PEX6: variants seen among roughly 807,000 people sequenced by gnomAD.
PEX6 encodes the protein peroxisome biogenesis factor 6.
PEX6 carries 55 observed loss-of-function variants against 85.6 expected under a neutral mutation model. The observed-to-expected ratio is 0.64, with a 90% confidence interval of 0.52 to 0.80. The LOEUF (loss-of-function observed/expected upper bound fraction) is 0.80, where lower values mean the gene tolerates loss of function less well. Ranked by LOEUF, PEX6 falls within the 30% of genes least tolerant of loss-of-function variation. The pLI is 0.00. For missense variants in PEX6, 1,099 were observed against 1,260.3 expected (o/e 0.87, Z 1.94); for synonymous variants, 519 against 549.1 (o/e 0.95, Z 0.77).
rs549278408 is a variant in PEX6 at position 42,971,390 on chromosome 6, A to C, written c.1131-1403T>G. On this transcript the variant is annotated intron_variant, in intron 3 of 16. Transcript: ENST00000304611. This position sits in a 1 kb window ranked among gnomAD's most constrained non-coding sequence, Gnocchi z 4.4. The stretch of plus-strand genomic sequence containing the variant: ...CAGCACTGTGGCATAGGGAGAGACC[A>C]CCTTCTTCAGTGGAGGGTGGTTGGA... Among the ~76,000 whole-genome samples the C allele has an allele frequency of 6.6e-6, 1 of 152,306 alleles. No individual in the cohort carries two copies. The highest frequency in any genetic ancestry group is 2.1e-4 in the South Asian group (1 of 4,830).
rs1409670454 is a variant in PEX6 at position 42,964,851 on chromosome 6, G to A, written c.2745C>T (p.Tyr915=). 2.5e-6 allele frequency: 4 copies of A among 1,614,144 alleles called. No individual in the cohort carries two copies. The highest frequency in any genetic ancestry group is 3.4e-6 in the Non-Finnish European group (4 of 1,180,012). The change falls in exon 16 of 17, where the codon TAC becomes TAT. Residue 915 remains tyrosine (Y), a synonymous_variant. Transcript: ENST00000304611. This position sits in a 1 kb window ranked among gnomAD's most constrained non-coding sequence, Gnocchi z 4.6. ...CTGTCATAGCATCAGAGCAGAGAGA[G>A]TAGAGGTCCGCGCCCGTCAGCTGGG... ...CPPQLTGADL[Y]SLCSDAMTAA... is the part of the protein sequence containing the mutation.
rs749575355 is a variant in PEX6, at chr6:42,967,436, G to T, written c.1816C>A (p.Arg606=). ...LSEGQRLSIL[R]ALTAHLPLGQ... is the part of the protein sequence containing the mutation. ...AGGGGAAGGTGGGCAGTGAGGGCCCGCAGGATGCTGAGCCGCTGCCCCTCT... is the reference window on the plus strand; with the variant it reads ...AGGGGAAGGTGGGCAGTGAGGGCCCTCAGGATGCTGAGCCGCTGCCCCTCT... The change falls in exon 8 of 17, where the codon CGG becomes AGG. Residue 606 remains arginine (R), a synonymous_variant. Transcript: ENST00000304611. 1.2e-6 allele frequency: 2 copies of T among 1,612,974 alleles called. No homozygotes were observed. Among genetic ancestry groups the T allele is most frequent in the East Asian group, 4.5e-5 (2 of 44,862 alleles).
At chr6:42,968,798 A>G in intron 6 of PEX6, 76 bp downstream of exon 6, 1 of 1,080,160 alleles carries the variant, frequency 9.3e-7, no homozygotes, top group Non-Finnish European at 1.4e-6. Flanking sequence ...GAGGGAGGGG[A>G]GAGGAAGCAG....
At chr6:42,977,138 G>A (rs1172475663) in intron 1 of PEX6, among the ~76,000 whole-genome samples, 1 of 151,630 alleles carries the variant, frequency 6.6e-6, no homozygotes, top group Non-Finnish European at 1.5e-5. Flanking sequence ...ATAAGAATGA[G>A]CAAAAGCACA....
At chr6:42,966,714 C>T (rs1769822880) in intron 9 of PEX6, 57 bp from the exon 10 acceptor site, 1 of 1,613,978 alleles carries the variant, frequency 6.2e-7, no homozygotes, top group African/African-American at 1.3e-5. Context: ...TCCCTTCTCC[C>T]TTCCTCACCA....
intron 1 of PEX6, 71 bp from the exon 2 acceptor site, chr6:42,975,109 C>G (rs1770234620): frequency 8.0e-7 from 1 of 1,245,554 alleles, no homozygotes; most frequent in South Asian, 1.2e-5. Context: ...CTCTCAGCAG[C>G]CAACATGTCT....
chr6:42,976,903 T>G (rs897336319), intron 1 of PEX6, among the ~76,000 whole-genome samples: 1 of 152,130 alleles, frequency 6.6e-6, no homozygotes, highest in African/African-American at 2.4e-5. Flanking sequence ...GTATTTACAA[T>G]ATATAATTGG....
chr6:42,970,442 C>T (rs1333993891), intron 3 of PEX6, among the ~76,000 whole-genome samples: 19 of 152,248 alleles, frequency 1.2e-4, no homozygotes. Flanking sequence ...TTAATAATGC[C>T]ATCTGATGAA....
rs267608235 is a variant in PEX6, at chr6:42,966,317, A to G, written c.2225T>C (p.Leu742Pro). ...CTTGCCGGTGCCAGGGGGCCCATGG[A>G]GCAGAAGGCCTGAGCGTCTCAGGCC... ...SLGLRRSGLLLHGPPGTGKTL... is the reference protein window; with the variant it reads ...SLGLRRSGLLPHGPPGTGKTL... Residue 742 changes from leucine (L) to proline (P), a missense_variant, in exon 11 of 17, where the codon CTC (leucine) becomes CCC (proline). Leu to Pro is a moderately conservative substitution (Grantham distance 98, BLOSUM62 -3). Around this residue, in one of 3 missense-constraint regions of PEX6, gnomAD observed 514 missense variants for 627.0 expected, o/e 0.82. Transcript: ENST00000304611. The G allele has an allele frequency of 4.9e-5, 79 of 1,613,210 alleles. No homozygotes were observed. The highest frequency in any genetic ancestry group is 6.2e-5 in the Non-Finnish European group (73 of 1,179,976).
chr6:42,977,701 G>A (rs1317225976), intron 1 of PEX6, among the ~76,000 whole-genome samples: 5 of 146,278 alleles, frequency 3.4e-5, no homozygotes, highest in East Asian at 2.1e-4. Context: ...CCTGGGAGGC[G>A]GAGGTTGCAG....
rs1327937082 is a variant in PEX6, at chr6:42,974,873, A to G, written c.1046+2T>C. 1 of 1,613,632 alleles carries G rather than the reference A, an allele frequency of 6.2e-7. No homozygotes were observed. Among genetic ancestry groups the G allele is most frequent in the Non-Finnish European group, 8.5e-7 (1 of 1,179,708 alleles). On this transcript the variant is annotated splice_donor_variant, in intron 2 of 16. Transcript: ENST00000304611. LOFTEE classifies it high-confidence loss of function. ...TCCTCCTTAAAAGGTTAGGTAGCTA[A>G]CCTGGGTATCTGAAAGTGCCGGTAA... is the stretch of plus-strand genomic sequence containing the variant.
Position 42,978,867 on chromosome 6 carries a change from C to T in PEX6, c.284G>A (p.Arg95Gln). 1 of 1,492,732 alleles carries T rather than the reference C, an allele frequency of 6.7e-7. No individual in the cohort carries two copies. The highest frequency in any genetic ancestry group is 1.5e-5 in the African/African-American group (1 of 68,672). The allele number at this position is 1,492,732 out of a possible 1,614,324, so 92.5% of individuals were successfully genotyped here. A position where few individuals can be genotyped will look rare whatever the true frequency, so the allele number is the denominator to read the frequency against. ...TAGCGCCGGGGGCCGCCGCACCGCCCGCGCCCGCACCCAGGCCCCGGAGCC... is the reference window on the plus strand; with the variant it reads ...TAGCGCCGGGGGCCGCCGCACCGCCTGCGCCCGCACCCAGGCCCCGGAGCC... Reference protein sequence around the residue: ...ALGSGAWVRARAVRRPPALGW... With the variant: ...ALGSGAWVRAQAVRRPPALGW... Residue 95 changes from arginine to glutamine, a missense_variant, in exon 1 of 17, where the codon CGG (arginine) becomes CAG (glutamine). Arg to Gln is a conservative substitution (Grantham distance 43). Coordinates refer to ENST00000304611, the MANE Select transcript of PEX6 (RefSeq NM_000287.4).
At position 42,967,529 on chromosome 6, in the gene PEX6, G is replaced by T. The variant is rs755211783; in HGVS notation, c.1723C>A (p.Arg575=). 8 of 1,605,176 alleles carry T rather than the reference G, an allele frequency of 5.0e-6. No homozygotes were observed. In the African/African-American group the frequency reaches 9.4e-5, roughly 19 times the overall value. ...ACATCAGCAGGCAGGTCCTGGGCCC[G>T]GCTTGTGGTGGCCACAACCATGAGG... ...PPLMVVATTS[R]AQDLPADVQT... Residue 575 remains arginine, a synonymous_variant, in exon 8 of 17, where the codon CGG becomes AGG. Coordinates refer to ENST00000304611, the MANE Select transcript of PEX6 (RefSeq NM_000287.4).
Position 42,978,902 on chromosome 6 carries a change from G to C in PEX6, c.249C>G (p.Leu83=). 2.7e-6 allele frequency: 4 copies of C among 1,488,776 alleles called. No individual in the cohort carries two copies. The highest frequency in any genetic ancestry group is 3.5e-6 in the Non-Finnish European group (4 of 1,127,910). The allele number at this position is 1,488,776 out of a possible 1,614,324, so 92.2% of individuals were successfully genotyped here. Residue 83 remains leucine (L), a synonymous_variant, in exon 1 of 17, where the codon CTC becomes CTG. Coordinates refer to ENST00000304611, the MANE Select transcript of PEX6 (RefSeq NM_000287.4). ...CCCAGGCCCCGGAGCCCAGTGCCAG[G>C]AGCCGCAGCAGCGCGCGGCTAACCA... ...QLLVSRALLR[L]LALGSGAWVR...
chr6:42,976,945 T>C (rs1006981021), intron 1 of PEX6, among the ~76,000 whole-genome samples: 1 of 152,064 alleles, frequency 6.6e-6, no homozygotes, highest in South Asian at 2.1e-4. Flanking sequence ...CATAACAAGA[T>C]AGAATAAAAT....
At position 42,966,869 on chromosome 6, in the gene PEX6, ACAGGAAAGGACACATGAG is replaced by A; in HGVS notation, c.1885-29_1885-12del. 1 of 1,609,234 alleles carries A rather than the reference ACAGGAAAGGACACATGAG, an allele frequency of 6.2e-7. No individual in the cohort carries two copies. Among genetic ancestry groups the A allele is most frequent in the African/African-American group, 1.3e-5 (1 of 74,888 alleles). On this transcript the variant is annotated splice_polypyrimidine_tract_variant and intron_variant, in intron 8 of 16. Transcript: ENST00000304611. ...CCCTACCACAAAGCCCTAGGGAACCACAGGAAAGGACACATGAGCAGGGCACAGTAGGCAGGAACCTTC... is the reference window on the plus strand; with the variant it reads ...CCCTACCACAAAGCCCTAGGGAACCACAGGGCACAGTAGGCAGGAACCTTC...
chr6:42,965,365 C>T lies in PEX6; in HGVS notation c.2475G>A (p.Val825=). The T allele has an allele frequency of 6.2e-7, 1 of 1,611,624 alleles. No homozygotes were observed. The highest frequency in any genetic ancestry group is 8.5e-7 in the Non-Finnish European group (1 of 1,178,024). ...CTAGCTCGGCAAGGAGCTGAGACAC[C>T]ACCCTGGAGAGAAGGGAGCAAGGGC... ...SGDSGGVMDR[V]VSQLLAELDG... The change falls in exon 14 of 17, where the codon GTG becomes GTA. Residue 825 remains valine (V), a synonymous_variant. Coordinates refer to ENST00000304611, the MANE Select transcript of PEX6 (RefSeq NM_000287.4). The surrounding 1 kb of genome is among the most constrained non-coding windows in gnomAD (Gnocchi z 5.0).
In PEX6 at chr6:42,978,786, G is replaced by C; in HGVS notation, c.365C>G (p.Pro122Arg). The change falls in exon 1 of 17, where the codon CCG becomes CGG. Residue 122 changes from proline to arginine, a missense_variant. Transcript: ENST00000304611. ...LGPGLGPRVG[P>R]LLVRRGETLP... The stretch of plus-strand genomic sequence containing the variant: ...GGTCTCTCCGCGCCTCACCAGCAGC[G>C]GCCCGACTCGCGGTCCGAGCCCAGG... The C allele has an allele frequency of 6.5e-7, 1 of 1,534,214 alleles. No individual in the cohort carries two copies. Among genetic ancestry groups the C allele is most frequent in the Non-Finnish European group, 8.7e-7 (1 of 1,146,624 alleles).
Position 42,966,608 on chromosome 6 carries a change from C to G in PEX6, c.2011G>C (p.Gly671Arg). Residue 671 changes from glycine to arginine, a missense_variant, in exon 10 of 17, where the codon GGC (glycine) becomes CGC (arginine). Physicochemically the swap from Gly to Arg is moderately radical, Grantham distance 125 (BLOSUM62 -2). Coordinates refer to ENST00000304611, the MANE Select transcript of PEX6 (RefSeq NM_000287.4). ...AAGTCCTCAGCCAGGAGAGGAAAGC[C>G]GGCAGCACACAGCTCCCCCTCATCC... ...EEDEGELCAA[G>R]FPLLAEDFGQ... 6.2e-7 allele frequency: 1 copy of G among 1,614,140 alleles called. No individual in the cohort carries two copies. Among genetic ancestry groups the G allele is most frequent in the South Asian group, 1.1e-5 (1 of 91,088 alleles).
Sources: gnomAD v4.1 joint callset for allele counts (sites outside exome capture counted in the v4.1 genomes callset) on GRCh38, gnomAD v4.1.1 for gene constraint, gnomAD v4.1.1 regional missense constraint, Gnocchi (gnomAD v3.1) non-coding constraint, MANE v1.5 for transcripts, NCBI Gene and HGNC (gene_info 2026-07-23, HGNC 2026-07-21) for gene names.